USP18: variants seen among roughly 807,000 people sequenced by gnomAD.
The protein encoded by USP18 is ubl carboxyl-terminal hydrolase 18.
A neutral mutation model predicts 48.7 loss-of-function variants in USP18; 11 were observed. The ratio of observed to expected loss-of-function variants is 0.23; its 90% CI spans 0.14 to 0.37. USP18 has a LOEUF of 0.37. Ranked by LOEUF, USP18 falls within the 10% of genes least tolerant of loss-of-function variation. USP18 has a pLI of 1.00. For missense variants in USP18, 285 were observed against 436.4 expected, an observed-to-expected ratio of 0.65 and a Z score of 3.09; for synonymous variants, 114 against 163.2, an observed-to-expected ratio of 0.70 and a Z score of 2.30.
Position 18,173,843 on chromosome 22 carries a change from G to C in USP18, c.1073+1G>C. ...CCTACGGAAATCCTAACTACCACTG[G>C]TAAGAAACAGATTTGGGTAATTGGA... On this transcript the variant is annotated splice_donor_variant, in intron 10 of 10. Coordinates refer to ENST00000215794, the MANE Select transcript of USP18 (RefSeq NM_017414.4). LOFTEE classifies it high-confidence loss of function. The C allele has an allele frequency of 6.3e-7, 1 of 1,599,806 alleles. No individual in the cohort carries two copies. The highest frequency in any genetic ancestry group is 8.6e-7 in the Non-Finnish European group (1 of 1,169,052).
rs147748270 is a variant in USP18, at chr22:18,154,960, G to T, written c.-106-2598G>T. Among the ~76,000 whole-genome samples the T allele has an allele frequency of 1.1e-3, 160 of 152,338 alleles. 3 individuals are homozygous for T. The East Asian group carries it at 0.024, about 23-fold the overall frequency. On this transcript the variant is annotated intron_variant, in intron 1 of 10. Transcript: ENST00000215794. ...AGAGGCTGATTGGTCAGGACCCTAA[G>T]CCCATGACTGCTTCAGCTGTTGTAG...
rs547794517 is a variant in USP18 at position 18,157,355 on chromosome 22, C to G, written c.-106-203C>G. 5.3e-5 allele frequency among the ~76,000 whole-genome samples: 8 copies of G among 152,270 alleles called. No homozygotes were observed. In the South Asian group the frequency reaches 1.7e-3, roughly 32 times the overall value. On this transcript the variant is annotated intron_variant, in intron 1 of 10. Coordinates refer to ENST00000215794, the MANE Select transcript of USP18 (RefSeq NM_017414.4). ...GCGCTCCCGGTTAGGATTTGGCAGT[C>G]GGCTCTGAGGATGAATGGAAACGCC...
intron 2 of USP18, 59 bp downstream of exon 2, chr22:18,157,879 C>G (rs527321600): frequency 5.6e-6 from 9 of 1,601,136 alleles, no homozygotes; most frequent in African/African-American, 2.7e-5. Flanking sequence ...CGGCTCACCC[C>G]CTCCGCTCTG....
Position 18,157,884 on chromosome 22 carries a change from G to A in USP18, c.157+64G>A, listed in dbSNP as rs1482519490. The A allele has an allele frequency of 3.1e-6, 5 of 1,596,706 alleles. No homozygotes were observed. In the African/African-American group the frequency reaches 6.7e-5, roughly 22 times the overall value. On this transcript the variant is annotated intron_variant, in intron 2 of 10. Coordinates refer to ENST00000215794, the MANE Select transcript of USP18 (RefSeq NM_017414.4). Reference sequence around the variant, plus strand: ...TGTAAATGTTCGGCTCACCCCCTCCGCTCTGAAGCCGCAGAGCTTTGTATT... The same window carrying A: ...TGTAAATGTTCGGCTCACCCCCTCCACTCTGAAGCCGCAGAGCTTTGTATT...
chr22:18,175,277 C>G (rs1246196032), intron 10 of USP18, among the ~76,000 whole-genome samples: 3 of 152,060 alleles, frequency 2.0e-5, no homozygotes, highest in Non-Finnish European at 4.4e-5. Flanking sequence ...GGCAGAGAGA[C>G]TTTGTAAGTT....
intron 8 of USP18, 23 bp from the exon 9 acceptor site, chr22:18,173,127 G>A: frequency 1.3e-6 from 2 of 1,595,266 alleles, no homozygotes; most frequent in Non-Finnish European, 8.5e-7. Context: ...TGGGTGAACT[G>A]TCTCGTGCCT....
At chr22:18,166,985 C>T (rs916444091) in intron 4 of USP18, among the ~76,000 whole-genome samples, 2 of 152,014 alleles carry the variant, frequency 1.3e-5, no homozygotes, top group Non-Finnish European at 2.9e-5. Flanking sequence ...GCGATCCTCC[C>T]ACCTTGGCCT....
At chr22:18,166,882 C>T (rs577323265) in intron 4 of USP18, among the ~76,000 whole-genome samples, 6 of 150,848 alleles carry the variant, frequency 4.0e-5, no homozygotes, top group South Asian at 2.1e-4. Flanking sequence ...TGACTACAGG[C>T]GTGCACCGCT....
At chr22:18,173,492 G>C (rs975581162) in intron 9 of USP18, among the ~76,000 whole-genome samples, 1 of 152,128 alleles carries the variant, frequency 6.6e-6, no homozygotes, top group Non-Finnish European at 1.5e-5. Context: ...TCACTTCTAA[G>C]TTTTTGGTGC....
chr22:18,150,858 A>G (rs1928979680), intron 1 of USP18, among the ~76,000 whole-genome samples: 1 of 152,246 alleles, frequency 6.6e-6, no homozygotes. Context: ...AGGCTGAGGC[A>G]GGAGAATCGC....
intron 4 of USP18, among the ~76,000 whole-genome samples, chr22:18,163,371 C>T (rs1294501030): frequency 4.6e-5 from 7 of 152,170 alleles, no homozygotes; most frequent in East Asian, 3.9e-4. Flanking sequence ...AGGCTGGGCG[C>T]GGTGGCTCAC....
In USP18 at chr22:18,170,205, C is replaced by T. The variant is rs534895900; in HGVS notation, c.723+266C>T. 7.5e-3 allele frequency among the ~76,000 whole-genome samples: 1,137 copies of T among 150,952 alleles called. 9 individuals are homozygous for T. The highest frequency in any genetic ancestry group is 0.014 in the Middle Eastern group (4 of 294). ...TTATTTACAACAATTTGTGTATAAG[C>T]GGACCCATACAGTCCAAACCCGTGC... On this transcript the variant is annotated intron_variant, in intron 7 of 10. Transcript: ENST00000215794.
intron 3 of USP18, among the ~76,000 whole-genome samples, chr22:18,161,079 T>A (rs896033997): frequency 2.6e-5 from 4 of 152,096 alleles, no homozygotes; most frequent in Admixed American, 2.6e-4. Context: ...CAGGTATTGG[T>A]ACTTTTTTAA....
At chr22:18,168,126 T>C (rs1211785351) in intron 6 of USP18, 90 bp downstream of exon 6, 1 of 1,554,150 alleles carries the variant, frequency 6.4e-7, no homozygotes, top group Non-Finnish European at 8.7e-7. Context: ...AGGTAATTTA[T>C]TTCTTACAGT....
intron 1 of USP18, 94 bp from the exon 2 acceptor site, chr22:18,157,464 C>G (rs539645935): frequency 1.5e-6 from 1 of 652,412 alleles, no homozygotes; most frequent in Admixed American, 2.5e-5. Context: ...ACATTTATCT[C>G]CCTCTAAGAC....
chr22:18,152,569 G>T (rs1929027646), intron 1 of USP18, among the ~76,000 whole-genome samples: 1 of 151,872 alleles, frequency 6.6e-6, no homozygotes, highest in Non-Finnish European at 1.5e-5. Context: ...CCCGCGCCTG[G>T]CCTGGGGGTC....
intron 10 of USP18, 75 bp downstream of exon 10, chr22:18,173,917 G>T (rs1484383350): frequency 6.7e-6 from 10 of 1,496,924 alleles, no homozygotes; most frequent in Admixed American, 1.9e-5. Context: ...AACGCCCATG[G>T]ATTCCCCTGT....
intron 7 of USP18, 52 bp from the exon 8 acceptor site, chr22:18,170,701 G>A: frequency 6.2e-7 from 1 of 1,601,660 alleles, no homozygotes. Context: ...ACATTTCTCT[G>A]ACTCTCTCAT....
At chr22:18,155,510 C>T (rs538808026) in intron 1 of USP18, among the ~76,000 whole-genome samples, 15 of 152,250 alleles carry the variant, frequency 9.9e-5, no homozygotes, top group Middle Eastern at 3.4e-3. Flanking sequence ...CCTTAGCTTG[C>T]GGGGAGGTGT....
Sources: gnomAD v4.1 joint callset for allele counts (sites outside exome capture counted in the v4.1 genomes callset) on GRCh38, gnomAD v4.1.1 for gene constraint, MANE v1.5 for transcripts, NCBI Gene and HGNC (gene_info 2026-07-23, HGNC 2026-07-21) for gene names.